Variants in CCDC171 observed in about 807,000 individuals in gnomAD.
CCDC171 encodes the protein coiled-coil domain containing 171, also known as coiled-coil domain-containing protein 171.
Under a neutral mutation model 168.2 loss-of-function variants are expected in CCDC171, and 177 were observed. The ratio of observed to expected loss-of-function variants is 1.05; its 90% CI spans 0.93 to 1.19. The LOEUF is 1.19. Among genes scored for constraint, CCDC171 ranks in the 50% most tolerant of loss-of-function variants. CCDC171 has a pLI of 0.00. For missense variants in CCDC171, 1,991 were observed against 1,539.0 expected, an observed-to-expected ratio of 1.29 and a Z score of -4.91; for synonymous variants, 687 against 540.8, an observed-to-expected ratio of 1.27 and a Z score of -3.75.
chr9:15,668,139 C>G (rs916398528), intron 9 of CCDC171, among the ~76,000 whole-genome samples: 8 of 152,160 alleles, frequency 5.3e-5, no homozygotes, highest in Non-Finnish European at 1.0e-4. Flanking sequence ...ATAATTAAAG[C>G]TTTCTAGCAA....
chr9:16,073,391 C>A, the CCDC171 span, among the ~76,000 whole-genome samples: 5 of 152,186 alleles, frequency 3.3e-5, no homozygotes, highest in Non-Finnish European at 7.3e-5. Context: ...AGAGCTCTTA[C>A]TTATTTGCTG....
chr9:15,581,856 A>T (rs192502035), intron 4 of CCDC171, among the ~76,000 whole-genome samples: 57 of 152,286 alleles, frequency 3.7e-4, no homozygotes, highest in African/African-American at 1.3e-3. Flanking sequence ...AATACCATTC[A>T]GGACATAGGC....
At chr9:15,809,088 C>T (rs945130154) in intron 21 of CCDC171, among the ~76,000 whole-genome samples, 18 of 152,136 alleles carry the variant, frequency 1.2e-4, no homozygotes, top group African/African-American at 1.9e-4. Flanking sequence ...AAAAGCCCCA[C>T]CTTTTATTGC....
intron 7 of CCDC171, among the ~76,000 whole-genome samples, chr9:15,645,358 C>T (rs1200688405): frequency 6.6e-6 from 1 of 152,158 alleles, no homozygotes; most frequent in African/African-American, 2.4e-5. Context: ...AACTCAGCTC[C>T]TCCCCAGCAA....
Position 15,865,842 on chromosome 9 carries a change from C to CTGCG in CCDC171, c.3469-8683_3469-8680dup, listed in dbSNP as rs536381663. Among the ~76,000 whole-genome samples, 772 of 77,580 alleles carry CTGCG rather than the reference C, an allele frequency of 1.0e-2. 5 individuals carry two copies. Among genetic ancestry groups the CTGCG allele is most frequent in the African/African-American group, 0.028 (755 of 26,642 alleles). 50.9% of individuals were successfully genotyped at this position (77,580 alleles called of 152,430 possible). On this transcript the variant is annotated intron_variant, in intron 23 of 25. Coordinates refer to ENST00000380701, the MANE Select transcript of CCDC171 (RefSeq NM_173550.4). The stretch of plus-strand genomic sequence containing the variant: ...CCCACATGTTGTTCAAAGTTCAACT[C>CTGCG]TGCGTGCGTGTGTGTGTGTGTGTGT...
At chr9:15,580,212 A>G (rs185122307) in intron 4 of CCDC171, among the ~76,000 whole-genome samples, 46 of 152,316 alleles carry the variant, frequency 3.0e-4, no homozygotes, top group Admixed American at 2.7e-3. Context: ...TTATATAAAA[A>G]TCAATTCAAG....
At chr9:15,631,291 GAA>G (rs1367491844) in intron 7 of CCDC171, among the ~76,000 whole-genome samples, 2 of 151,836 alleles carry the variant, frequency 1.3e-5, no homozygotes, top group Admixed American at 1.3e-4. Context: ...TAATAAAGAA[GAA>G]AAGAGAGAAG....
intron 24 of CCDC171, among the ~76,000 whole-genome samples, chr9:15,900,028 G>T (rs1361257184): frequency 6.6e-6 from 1 of 151,942 alleles, no homozygotes; most frequent in Non-Finnish European, 1.5e-5. Context: ...AGTTAGTTTT[G>T]GTATAAGGAG....
In CCDC171 at chr9:15,571,763, C is replaced by T. The variant is rs375042921; in HGVS notation, c.177+4C>T. Reference sequence around the variant, plus strand: ...AACAACCAAACACAATGCAGAGGTACGATTTATTTTCCTCTCAAATAATGT... The same window carrying T: ...AACAACCAAACACAATGCAGAGGTATGATTTATTTTCCTCTCAAATAATGT... On this transcript the variant is annotated splice_donor_region_variant and intron_variant, in intron 3 of 25. Coordinates refer to ENST00000380701, the MANE Select transcript of CCDC171 (RefSeq NM_173550.4). The T allele has an allele frequency of 2.9e-5, 45 of 1,562,178 alleles. No individual in the cohort carries two copies. In the East Asian group the frequency reaches 5.5e-4, roughly 19 times the overall value.
At chr9:15,704,529 A>C (rs12004358) in intron 11 of CCDC171, among the ~76,000 whole-genome samples, 69,138 of 152,028 alleles carry the variant, frequency 0.45, 16,053 homozygotes, top group Non-Finnish European at 0.51. Flanking sequence ...CAGGAAAAGT[A>C]ATCCATGGTA....
At chr9:15,643,882 T>C (rs2046831334) in intron 7 of CCDC171, among the ~76,000 whole-genome samples, 1 of 152,230 alleles carries the variant, frequency 6.6e-6, no homozygotes, top group Non-Finnish European at 1.5e-5. Context: ...TCAAGGTTAA[T>C]CCATGGTATC....
intron 16 of CCDC171, among the ~76,000 whole-genome samples, chr9:15,732,929 T>G (rs1308505412): frequency 6.6e-6 from 1 of 152,108 alleles, no homozygotes; most frequent in Non-Finnish European, 1.5e-5. Flanking sequence ...TCACTAGCAA[T>G]GTAAGAGATT....
At chr9:16,025,793 G>A (rs1833264370) in intron 6 of CCDC171, among the ~76,000 whole-genome samples, 1 of 152,142 alleles carries the variant, frequency 6.6e-6, no homozygotes, top group Admixed American at 6.5e-5. Flanking sequence ...CTTAGGGAAG[G>A]GGAAATAGGG....
At chr9:15,747,588 G>A (rs549433575) in intron 18 of CCDC171, among the ~76,000 whole-genome samples, 14 of 152,296 alleles carry the variant, frequency 9.2e-5, no homozygotes, top group South Asian at 6.2e-4. Context: ...TGCAGCCTCC[G>A]CTGGTGATAC....
At chr9:15,855,785 C>T (rs1017636819) in intron 23 of CCDC171, among the ~76,000 whole-genome samples, 3 of 151,824 alleles carry the variant, frequency 2.0e-5, no homozygotes, top group African/African-American at 2.4e-5. Flanking sequence ...TTAATGCCAA[C>T]GTAGTGCCAA....
At chr9:15,875,194 C>G (rs1030415092) in intron 24 of CCDC171, 1 of 151,924 alleles carries the variant, frequency 6.6e-6, no homozygotes, top group African/African-American at 2.4e-5. Flanking sequence ...GTATTTTACC[C>G]TTTAATATTT....
At chr9:15,712,584 G>A (rs2052751616) in intron 11 of CCDC171, among the ~76,000 whole-genome samples, 1 of 152,208 alleles carries the variant, frequency 6.6e-6, no homozygotes, top group Non-Finnish European at 1.5e-5. Context: ...AGTTTGGTCA[G>A]AAACGTTATG....
intron 11 of CCDC171, among the ~76,000 whole-genome samples, chr9:15,700,420 C>T (rs1272254929): frequency 6.6e-6 from 1 of 152,212 alleles, no homozygotes; most frequent in African/African-American, 2.4e-5. Context: ...ACTCACGCCT[C>T]TCCCTCCACA....
chr9:15,663,496 A>G (rs568649248), intron 8 of CCDC171, among the ~76,000 whole-genome samples: 4 of 152,078 alleles, frequency 2.6e-5, no homozygotes, highest in African/African-American at 9.6e-5. Flanking sequence ...TTTACGCCAA[A>G]TGTAGCATAC....
Sources: gnomAD v4.1 joint callset for allele counts (sites outside exome capture counted in the v4.1 genomes callset) on GRCh38, gnomAD v4.1.1 for gene constraint, MANE v1.5 for transcripts, NCBI Gene and HGNC (gene_info 2026-07-23, HGNC 2026-07-21) for gene names.